Variants in DNAH10 observed in about 807,000 individuals in gnomAD.
DNAH10 encodes dynein axonemal heavy chain 10.
DNAH10 carries 348 observed loss-of-function variants against 506.6 expected under a neutral mutation model. The observed-to-expected ratio is 0.69, with a 90% CI of 0.63 to 0.75. DNAH10 has a LOEUF of 0.75. DNAH10 is among the 30% of genes least tolerant of loss of function. The pLI is 0.00. For missense variants in DNAH10, 5,179 were observed against 5,787.1 expected (o/e 0.89, Z 3.41); for synonymous variants, 2,059 against 2,198.6 (o/e 0.94, Z 1.78).
rs1953623802 is a variant in DNAH10 at position 123,903,456 on chromosome 12, T to C, written c.9815+343T>C. Among the ~76,000 whole-genome samples, 1 of 152,168 alleles carries C rather than the reference T, an allele frequency of 6.6e-6. No homozygotes were observed. The highest frequency in any genetic ancestry group is 2.4e-5 in the African/African-American group (1 of 41,432). On this transcript the variant is annotated intron_variant, in intron 57 of 78. Transcript: ENST00000673944. The surrounding 1 kb of genome is among the most constrained non-coding windows in gnomAD (Gnocchi z 4.6). ...TCCGCCCTAAGCAGGGGCAGGATGC[T>C]CACCATGGGGCTGAGCCCTGCTGAA... is the stretch of plus-strand genomic sequence containing the variant.
chr12:123,898,736 G>C lies in DNAH10; in HGVS notation c.9562G>C (p.Glu3188Gln). 6.2e-7 allele frequency: 1 copy of C among 1,610,556 alleles called. No individual in the cohort carries two copies. The highest frequency in any genetic ancestry group is 1.1e-5 in the South Asian group (1 of 90,046). ...QLDELNQKLA[E>Q]QKIVLAEKSA... ...GGACGAGCTGAACCAGAAGCTGGCC[G>C]AGCAGAAGATCGTGCTGGCGGAGAA... Residue 3188 changes from glutamate to glutamine, a missense_variant, in exon 56 of 79, where the codon GAG becomes CAG. Physicochemically the swap from Glu to Gln is conservative, Grantham distance 29 (BLOSUM62 2). Around this residue, in one of 3 missense-constraint regions of DNAH10, gnomAD observed 4,844 missense variants for 5,430.5 expected, o/e 0.89. Transcript: ENST00000673944.
rs1016503990 is a variant in DNAH10, at chr12:123,777,851, C to T, written c.622-3229C>T. Reference sequence around the variant, plus strand: ...GATTTTTGTATTTTTTTTTTAAAGACGGTGTCTCAGTATGTTGCCAAGGCT... The same window carrying T: ...GATTTTTGTATTTTTTTTTTAAAGATGGTGTCTCAGTATGTTGCCAAGGCT... On this transcript the variant is annotated intron_variant, in intron 5 of 78. Transcript: ENST00000673944. Among the ~76,000 whole-genome samples, 4 of 151,526 alleles carry T rather than the reference C, an allele frequency of 2.6e-5. No individual in the cohort carries two copies. In the South Asian group the frequency reaches 6.2e-4, roughly 24 times the overall value.
At chr12:123,858,316 A>G (rs2341779) in intron 37 of DNAH10, among the ~76,000 whole-genome samples, 68,060 of 151,962 alleles carry the variant, frequency 0.45, 15,740 homozygotes, top group African/African-American at 0.56. Context: ...GAGCCTCCAG[A>G]CCTGGGGGGT....
intron 39 of DNAH10, 130 bp downstream of exon 39, chr12:123,861,300 G>A: frequency 3.3e-6 from 4 of 1,222,296 alleles, no homozygotes; most frequent in Non-Finnish European, 4.5e-6. Context: ...TCCAGTCTTG[G>A]AGGCTGTGCT....
chr12:123,913,147 G>C lies in DNAH10; in HGVS notation c.10184G>C (p.Arg3395Thr), dbSNP rs761688047. Residue 3395 changes from arginine (R) to threonine (T), a missense_variant, in exon 60 of 79, where the codon AGG becomes ACG. Around this residue, in one of 3 missense-constraint regions of DNAH10, gnomAD observed 4,844 missense variants for 5,430.5 expected, o/e 0.89. Coordinates refer to ENST00000673944, the MANE Select transcript of DNAH10 (RefSeq NM_001372106.1). The surrounding 1 kb of genome is among the most constrained non-coding windows in gnomAD (Gnocchi z 5.1). The part of the protein sequence containing the change: ...NFYLTKRELE[R>T]IQNELAAIQK... ...TACCTCACTAAACGGGAACTGGAAA[G>C]GATCCAGAATGAGTTGGCAGCAATT... is the stretch of plus-strand genomic sequence containing the variant. 3 of 1,612,056 alleles carry C rather than the reference G, an allele frequency of 1.9e-6. No homozygotes were observed. The Admixed American group carries it at 5.0e-5, about 27-fold the overall frequency.
intron 58 of DNAH10, among the ~76,000 whole-genome samples, chr12:123,910,101 A>G (rs1484140073): frequency 1.3e-5 from 2 of 152,236 alleles, no homozygotes; most frequent in Non-Finnish European, 2.9e-5. Flanking sequence ...AAGCAATCTC[A>G]ACACAAATGA....
chr12:123,762,305 T>A lies in DNAH10; in HGVS notation c.-32T>A, dbSNP rs913261603. On this transcript the variant is annotated 5_prime_UTR_variant, in exon 1 of 79. Transcript: ENST00000673944. The surrounding 1 kb of genome is among the most constrained non-coding windows in gnomAD (Gnocchi z 5.0). ...CCGCCGTTGCCACGGACGCCCGCCC[T>A]GCGCCCGGCTCCCTCTGCACTGCGC... is the stretch of plus-strand genomic sequence containing the variant. 8.1e-7 allele frequency: 1 copy of A among 1,232,382 alleles called. No individual in the cohort carries two copies. Among genetic ancestry groups the A allele is most frequent in the African/African-American group, 1.6e-5 (1 of 64,376 alleles). The allele number at this position is 1,232,382 out of a possible 1,614,324, so 76.3% of individuals were successfully genotyped here.
intron 56 of DNAH10, among the ~76,000 whole-genome samples, chr12:123,900,631 C>T (rs188929249): frequency 2.2e-4 from 33 of 152,300 alleles, no homozygotes; most frequent in African/African-American, 7.7e-4. Context: ...ACTCTGTTTC[C>T]AGGGTTGCAA....
intron 23 of DNAH10, among the ~76,000 whole-genome samples, chr12:123,819,735 C>T (rs1306144350): frequency 2.3e-5 from 3 of 132,784 alleles, no homozygotes; most frequent in Admixed American, 8.5e-5. Context: ...GACAGAGTCT[C>T]GCTCTGTCAC....
intron 27 of DNAH10, among the ~76,000 whole-genome samples, chr12:123,835,189 C>G (rs1436860703): frequency 6.6e-6 from 1 of 152,140 alleles, no homozygotes; most frequent in African/African-American, 2.4e-5. Flanking sequence ...CTTTCTTTTG[C>G]TTTTGAGTGT....
chr12:123,800,451 T>C lies in DNAH10; in HGVS notation c.2462+63T>C, dbSNP rs74969523. ...TTGTTCTTGGGACCCCTTTACGCTC[T>C]TAAAAATTATTGAGGACCCCTCCAA... On this transcript the variant is annotated intron_variant, in intron 15 of 78. Coordinates refer to ENST00000673944, the MANE Select transcript of DNAH10 (RefSeq NM_001372106.1). 9,973 of 1,451,480 alleles carry C rather than the reference T, an allele frequency of 6.9e-3. 68 individuals are homozygous for C. The highest frequency in any genetic ancestry group is 8.6e-3 in the Non-Finnish European group (9,211 of 1,066,120). 89.9% of individuals were successfully genotyped at this position (1,451,480 alleles called of 1,614,324 possible). A position where few individuals can be genotyped will look rare whatever the true frequency, so the allele number is the denominator to read the frequency against.
chr12:123,916,743 A>G lies in DNAH10; in HGVS notation c.11002+7A>G. On this transcript the variant is annotated splice_region_variant and intron_variant, in intron 63 of 78. Coordinates refer to ENST00000673944, the MANE Select transcript of DNAH10 (RefSeq NM_001372106.1). This position sits in a 1 kb window ranked among gnomAD's most constrained non-coding sequence, Gnocchi z 4.6. ...ATGGTGATCAATTACACTGGTAAGA[A>G]TGTGTAGAACCTCCACTGCTAATTC... is the stretch of plus-strand genomic sequence containing the variant. 1 of 1,602,042 alleles carries G rather than the reference A, an allele frequency of 6.2e-7. No individual in the cohort carries two copies. The highest frequency in any genetic ancestry group is 8.5e-7 in the Non-Finnish European group (1 of 1,173,116).
intron 40 of DNAH10, among the ~76,000 whole-genome samples, chr12:123,865,163 T>C (rs1327693047): frequency 6.6e-6 from 1 of 152,256 alleles, no homozygotes; most frequent in Admixed American, 6.5e-5. Flanking sequence ...ACTAATATAC[T>C]ACGATTACAT....
At chr12:123,820,892 C>T in intron 24 of DNAH10, 134 bp downstream of exon 24, 1 of 1,021,144 alleles carries the variant, frequency 9.8e-7, no homozygotes, top group Non-Finnish European at 1.4e-6. Flanking sequence ...ATTTTGGCCG[C>T]AGGGAAGGGG....
chr12:123,859,818 A>G (rs1416941128), intron 38 of DNAH10, among the ~76,000 whole-genome samples: 1 of 152,120 alleles, frequency 6.6e-6, no homozygotes, highest in Admixed American at 6.6e-5. Flanking sequence ...AGGATCCCAT[A>G]GTCCAGGATT....
intron 70 of DNAH10, 35 bp from the exon 71 acceptor site, chr12:123,929,240 G>C (rs989344828): frequency 3.9e-6 from 6 of 1,555,336 alleles, no homozygotes; most frequent in Non-Finnish European, 4.4e-6. Context: ...TGGGCCTGCG[G>C]TCTCCATCAC....
rs773535553 is a variant in DNAH10, at chr12:123,871,501, A to G, written c.7684A>G (p.Met2562Val). Residue 2562 changes from methionine (M) to valine (V), a missense_variant, in exon 45 of 79, where the codon ATG (methionine) becomes GTG (valine). By Grantham distance (21) the Met-to-Val change is conservative. Coordinates refer to ENST00000673944, the MANE Select transcript of DNAH10 (RefSeq NM_001372106.1). ...TCGGACTACCTGGATATTGGAACAA[A>G]TGGTTAAAATTAAGCAACCTGTTAT... ...TTRTTWILEQ[M>V]VKIKQPVIFV... The G allele has an allele frequency of 1.5e-5, 23 of 1,570,722 alleles. No homozygotes were observed. Among genetic ancestry groups the G allele is most frequent in the Non-Finnish European group, 1.9e-5 (22 of 1,156,428 alleles).
Position 123,926,926 on chromosome 12 carries a change from G to T in DNAH10, c.12105+106G>T. On this transcript the variant is annotated intron_variant, in intron 69 of 78. Transcript: ENST00000673944. This position sits in a 1 kb window ranked among gnomAD's most constrained non-coding sequence, Gnocchi z 4.1. ...AAGCTGAGTGCCACGCCACAAATCA[G>T]TTGGATGCATTTCCGAGCTAAGAAG... The T allele has an allele frequency of 1.6e-6, 2 of 1,268,748 alleles. No homozygotes were observed. Among genetic ancestry groups the T allele is most frequent in the South Asian group, 1.4e-5 (1 of 72,420 alleles). The allele number at this position is 1,268,748 out of a possible 1,614,324, so 78.6% of individuals were successfully genotyped here.
rs2081104871 is a variant in DNAH10, at chr12:123,772,929, CAG to C, written c.494_495del (p.Arg165LysfsTer8). 1 of 1,611,624 alleles carries C rather than the reference CAG, an allele frequency of 6.2e-7. No homozygotes were observed. Among genetic ancestry groups the C allele is most frequent in the Non-Finnish European group, 8.5e-7 (1 of 1,178,394 alleles). On this transcript the variant is annotated frameshift_variant, in exon 4 of 79. Transcript: ENST00000673944. LOFTEE classifies it high-confidence loss of function. ...FLDQNVVFFL[R>X]NTKEAISEAT... Reference sequence around the variant, plus strand: ...TGGACCAAAACGTGGTGTTTTTCCTCAGAAATACCAAAGGTACATTTCTGGCA... The same window carrying C: ...TGGACCAAAACGTGGTGTTTTTCCTCAAATACCAAAGGTACATTTCTGGCA...
Sources: gnomAD v4.1 joint callset for allele counts (sites outside exome capture counted in the v4.1 genomes callset) on GRCh38, gnomAD v4.1.1 for gene constraint, gnomAD v4.1.1 regional missense constraint, Gnocchi (gnomAD v3.1) non-coding constraint, MANE v1.5 for transcripts, NCBI Gene and HGNC (gene_info 2026-07-23, HGNC 2026-07-21) for gene names.